INTS6: variants seen among roughly 807,000 people sequenced by gnomAD.
INTS6 encodes DEAD box protein.
In INTS6, 16 loss-of-function variants were observed where a neutral mutation model predicts 104.9. That is an observed-to-expected ratio of 0.15 (90% CI 0.10 to 0.23). INTS6 has a LOEUF of 0.23. Ranked by LOEUF, INTS6 falls within the 10% of genes least tolerant of loss-of-function variation. INTS6 has a pLI of 1.00. For synonymous variants in INTS6, 324 were observed against 358.7 expected (o/e 0.90, Z 1.09); for missense variants, 584 against 1,062.8 (o/e 0.55, Z 6.26).
rs1277559392 is a variant in INTS6, at chr13:51,452,696, T to G, written c.-171A>C. On this transcript the variant is annotated 5_prime_UTR_variant, in exon 1 of 18. Coordinates refer to ENST00000311234, the MANE Select transcript of INTS6 (RefSeq NM_012141.3). This position sits in a 1 kb window ranked among gnomAD's most constrained non-coding sequence, Gnocchi z 4.2. Reference sequence around the variant, plus strand: ...CTGCGGGGAGTTTCTCCCCCGATAGTTGAGAGGAAACTCCCCAGACCCAGT... The same window carrying G: ...CTGCGGGGAGTTTCTCCCCCGATAGGTGAGAGGAAACTCCCCAGACCCAGT... 1 of 1,375,998 alleles carries G rather than the reference T, an allele frequency of 7.3e-7. No homozygotes were observed. The highest frequency in any genetic ancestry group is 9.4e-7 in the Non-Finnish European group (1 of 1,064,024). 85.2% of individuals were successfully genotyped at this position (1,375,998 alleles called of 1,614,324 possible).
intron 15 of INTS6, 95 bp from the exon 16 acceptor site, chr13:51,369,405 T>C: frequency 8.0e-7 from 1 of 1,252,420 alleles, no homozygotes; most frequent in Non-Finnish European, 1.1e-6. Context: ...GCAAGTCAAC[T>C]GTTTTCCTTG....
chr13:51,383,692 T>C lies in INTS6; in HGVS notation c.944A>G (p.Glu315Gly). The C allele has an allele frequency of 6.2e-7, 1 of 1,613,928 alleles. No homozygotes were observed. The highest frequency in any genetic ancestry group is 1.1e-5 in the South Asian group (1 of 91,080). Reference sequence around the variant, plus strand: ...AGGAAGTTTATCAATAACCATTGGTTCACAGTCTGTACAGGAAAACTTCAC... The same window carrying C: ...AGGAAGTTTATCAATAACCATTGGTCCACAGTCTGTACAGGAAAACTTCAC... ...PVVKFSCTDC[E>G]PMVIDKLPFD... The change falls in exon 8 of 18, where the codon GAA becomes GGA. Residue 315 changes from glutamate (E) to glycine (G), a missense_variant. Around this residue, in one of 5 missense-constraint regions of INTS6, gnomAD observed 144 missense variants for 348.7 expected, o/e 0.41. Transcript: ENST00000311234.
chr13:51,417,746 T>A (rs1265388646), intron 4 of INTS6, among the ~76,000 whole-genome samples: 1 of 152,180 alleles, frequency 6.6e-6, no homozygotes, highest in Non-Finnish European at 1.5e-5. Context: ...CGTGAGCTAC[T>A]GCACCCGGCC....
At chr13:51,396,096 C>T (rs1336206400) in intron 4 of INTS6, among the ~76,000 whole-genome samples, 1 of 152,000 alleles carries the variant, frequency 6.6e-6, no homozygotes, top group African/African-American at 2.4e-5. Context: ...CATGCCCGGT[C>T]TTATTATTTT....
Position 51,378,299 on chromosome 13 carries a change from G to A in INTS6, c.1542C>T (p.His514=), listed in dbSNP as rs759276318. 1 of 1,613,470 alleles carries A rather than the reference G, an allele frequency of 6.2e-7. No homozygotes were observed. The highest frequency in any genetic ancestry group is 1.7e-5 in the Admixed American group (1 of 59,998). ...CCTTCATATTAAGGTCTAGCAGTCT[G>A]TGAGGGACATCCTCTGAAATTCCCT... ...LLQGISEDVP[H]RLLDLNMKEY... Residue 514 remains histidine, a synonymous_variant, in exon 12 of 18, where the codon CAC becomes CAT. Coordinates refer to ENST00000311234, the MANE Select transcript of INTS6 (RefSeq NM_012141.3).
intron 4 of INTS6, among the ~76,000 whole-genome samples, chr13:51,426,458 C>T (rs1231641904): frequency 6.6e-6 from 1 of 152,026 alleles, no homozygotes; most frequent in South Asian, 2.1e-4. Flanking sequence ...CCATAAGATC[C>T]TTGAATTCAG....
intron 4 of INTS6, among the ~76,000 whole-genome samples, chr13:51,407,012 C>T (rs1190189237): frequency 6.6e-6 from 1 of 151,406 alleles, no homozygotes; most frequent in Non-Finnish European, 1.5e-5. Context: ...AAAGATTGGA[C>T]ACCCCTGTGT....
At chr13:51,430,077 T>G (rs1010045759) in intron 4 of INTS6, among the ~76,000 whole-genome samples, 1 of 151,944 alleles carries the variant, frequency 6.6e-6, no homozygotes, top group East Asian at 1.9e-4. Flanking sequence ...CACATACAAA[T>G]GAGGTGTGGG....
intron 4 of INTS6, among the ~76,000 whole-genome samples, chr13:51,401,331 T>G (rs1328966370): frequency 6.6e-6 from 1 of 152,156 alleles, no homozygotes; most frequent in East Asian, 1.9e-4. Flanking sequence ...ATACACCCAG[T>G]ACTTTAAGAG....
At chr13:51,448,731 A>G (rs1952974734) in intron 3 of INTS6, 1 of 152,192 alleles carries the variant, frequency 6.6e-6, no homozygotes, top group Non-Finnish European at 1.5e-5. Context: ...AAGTTTTTAG[A>G]TGTTCTATAA....
rs953642307 is a variant in INTS6 at position 51,364,537 on chromosome 13, T to C, written c.*1215A>G. 1.4e-5 allele frequency: 5 copies of C among 355,266 alleles called. No homozygotes were observed. Among genetic ancestry groups the C allele is most frequent in the East Asian group, 9.6e-5 (2 of 20,854 alleles). The allele number at this position is 355,266 out of a possible 1,614,324, so 22.0% of individuals were successfully genotyped here. A position where few individuals can be genotyped will look rare whatever the true frequency, so the allele number is the denominator to read the frequency against. ...CCACTAAAAGGCACAGCAGTGATCATGAATGGTGAGTGAGTCAGGCCATAA... is the reference window on the plus strand; with the variant it reads ...CCACTAAAAGGCACAGCAGTGATCACGAATGGTGAGTGAGTCAGGCCATAA... On this transcript the variant is annotated 3_prime_UTR_variant, in exon 18 of 18. Transcript: ENST00000311234.
intron 2 of INTS6, 33 bp from the exon 3 acceptor site, chr13:51,451,207 AT>A: frequency 6.7e-7 from 1 of 1,501,854 alleles, no homozygotes; most frequent in East Asian, 2.3e-5. Context: ...TTTTTTTTTC[AT>A]TTTTTAAAGC....
chr13:51,343,058 G>T, the INTS6 span, among the ~76,000 whole-genome samples: 2 of 152,192 alleles, frequency 1.3e-5, no homozygotes, highest in East Asian at 3.9e-4. Flanking sequence ...CTGGGTTCCC[G>T]TGCCTCCAGA....
the INTS6 span, among the ~76,000 whole-genome samples, chr13:51,336,481 T>A: frequency 6.6e-5 from 10 of 152,134 alleles, no homozygotes; most frequent in Admixed American, 1.3e-4. Flanking sequence ...AGCAAAACCC[T>A]GTCTCAAAAA....
intron 15 of INTS6, among the ~76,000 whole-genome samples, chr13:51,373,121 A>G (rs1220277650): frequency 6.6e-6 from 1 of 152,036 alleles, no homozygotes; most frequent in Non-Finnish European, 1.5e-5. Flanking sequence ...GGATTTTACT[A>G]ACGGTATCCC....
In INTS6 at chr13:51,386,336, C is replaced by T. The variant is rs971249841; in HGVS notation, c.894+1050G>A. 2.0e-4 allele frequency among the ~76,000 whole-genome samples: 30 copies of T among 152,092 alleles called. 1 individual carries two copies. Among genetic ancestry groups the T allele is most frequent in the Admixed American group, 2.0e-3 (30 of 15,260 alleles). ...ATAAATAACCAACATGACAATATTT[C>T]ATACAAATACGGTATCTGTTCTGTA... is the stretch of plus-strand genomic sequence containing the variant. On this transcript the variant is annotated intron_variant, in intron 7 of 17. Transcript: ENST00000311234.
chr13:51,394,111 C>T (rs1956292718), intron 5 of INTS6, among the ~76,000 whole-genome samples: 1 of 151,512 alleles, frequency 6.6e-6, no homozygotes, highest in African/African-American at 2.4e-5. Context: ...AAATGTGCAC[C>T]CTCCCACAGA....
chr13:51,435,155 C>T (rs1322120566), intron 3 of INTS6, among the ~76,000 whole-genome samples: 4 of 151,822 alleles, frequency 2.6e-5, no homozygotes, highest in African/African-American at 4.8e-5. Flanking sequence ...AAAATCTAAG[C>T]TCTGCTACAA....
chr13:51,380,492 C>A (rs1385495763), intron 10 of INTS6, among the ~76,000 whole-genome samples: 1 of 152,146 alleles, frequency 6.6e-6, no homozygotes, highest in Non-Finnish European at 1.5e-5. Context: ...AATGAGTCAA[C>A]ATATGTAACA....
Sources: gnomAD v4.1 joint callset for allele counts (sites outside exome capture counted in the v4.1 genomes callset) on GRCh38, gnomAD v4.1.1 for gene constraint, gnomAD v4.1.1 regional missense constraint, Gnocchi (gnomAD v3.1) non-coding constraint, MANE v1.5 for transcripts, NCBI Gene and HGNC (gene_info 2026-07-23, HGNC 2026-07-21) for gene names.